The following BBS2 variants were observed in gnomAD, a reference collection of about 807,000 sequenced individuals.
The protein encoded by BBS2 is BBSome complex member BBS2.
A neutral mutation model predicts 83.0 loss-of-function variants in BBS2; 62 were observed. The ratio of observed to expected loss-of-function variants is 0.75; its 90% CI spans 0.61 to 0.92. The LOEUF (loss-of-function observed/expected upper bound fraction) is 0.92. BBS2 is among the 40% of genes least tolerant of loss of function. The pLI, the probability that BBS2 is intolerant of heterozygous loss-of-function variation, is 0.00. For synonymous variants in BBS2, 303 were observed against 326.1 expected (o/e 0.93, Z 0.76); for missense variants, 784 against 901.0 (o/e 0.87, Z 1.66).
intron 17 of BBS2, chr16:56,478,631 C>G (rs1187781481): frequency 6.6e-6 from 1 of 152,172 alleles, no homozygotes; most frequent in Admixed American, 6.5e-5. Context: ...GTTTGAGACT[C>G]ATGGCTGTAG....
intron 12 of BBS2, chr16:56,498,789 T>C (rs1410921220): frequency 8.0e-7 from 1 of 1,254,184 alleles, no homozygotes. Flanking sequence ...ACCTCACCTA[T>C]GCTCTTAAGT....
At position 56,498,585 on chromosome 16, in the gene BBS2, A is replaced by C. The variant is rs371950504; in HGVS notation, c.1528-17T>G. On this transcript the variant is annotated splice_polypyrimidine_tract_variant and intron_variant, in intron 12 of 16. Coordinates refer to ENST00000245157, the MANE Select transcript of BBS2 (RefSeq NM_031885.5). ...TACAACAACCTTGAAAATGAACACAATGAAATGACCTCCATTTTTAAGGTA... is the reference window on the plus strand; with the variant it reads ...TACAACAACCTTGAAAATGAACACACTGAAATGACCTCCATTTTTAAGGTA... 6.8e-6 allele frequency: 11 copies of C among 1,613,842 alleles called. No homozygotes were observed. The African/African-American group carries it at 1.5e-4, about 22-fold the overall frequency.
In BBS2 at chr16:56,479,186, A is replaced by T. The variant is rs1044530794; in HGVS notation, c.*5575T>A. The T allele has an allele frequency of 2.0e-5, 3 of 152,162 alleles. No homozygotes were observed. In the East Asian group the frequency reaches 5.8e-4, roughly 29 times the overall value. 9.4% of individuals were successfully genotyped at this position (152,162 alleles called of 1,614,324 possible). A position where few individuals can be genotyped will look rare whatever the true frequency, so the allele number is the denominator to read the frequency against. On this transcript the variant is annotated intron_variant, in intron 17 of 17. Coordinates refer to the BBS2 transcript ENST00000682047. Reference sequence around the variant, plus strand: ...TTTTATCCCCAAAGAAAATAGCTCTATGGGCCCGGCATAGTGGCTCACACC... The same window carrying T: ...TTTTATCCCCAAAGAAAATAGCTCTTTGGGCCCGGCATAGTGGCTCACACC...
chr16:56,519,480 C>T, intron 1 of BBS2: 1 of 481,500 alleles, frequency 2.1e-6, no homozygotes, highest in East Asian at 3.7e-5. Flanking sequence ...GGAGACGTCT[C>T]TTTTCTAAGC....
chr16:56,478,706 G>C (rs1274536016), intron 17 of BBS2: 2 of 152,156 alleles, frequency 1.3e-5, no homozygotes, highest in Non-Finnish European at 2.9e-5. Flanking sequence ...TACCTCACAA[G>C]TGTTAAAATG....
chr16:56,472,032 G>A (rs1204495741), intron 17 of BBS2, among the ~76,000 whole-genome samples: 1 of 152,172 alleles, frequency 6.6e-6, no homozygotes, highest in Non-Finnish European at 1.5e-5. Flanking sequence ...TGCAATCACA[G>A]CTCACTGCAG....
rs779292661 is a variant in BBS2, at chr16:56,500,926, C to T, written c.1325G>A (p.Cys442Tyr). Residue 442 changes from cysteine to tyrosine, a missense_variant, in exon 11 of 17, where the codon TGC becomes TAC. By Grantham distance (194) the Cys-to-Tyr change is radical. Transcript: ENST00000245157. ...PSIHNLSSSICIPIVPPKDVP... is the reference protein window; with the variant it reads ...PSIHNLSSSIYIPIVPPKDVP... ...ATCTTTGGGAGGCACAATAGGGATG[C>T]AGATGGAACTGGAGAGGTTGTGAAT... 6.2e-7 allele frequency: 1 copy of T among 1,614,184 alleles called. No homozygotes were observed. The highest frequency in any genetic ancestry group is 1.3e-5 in the African/African-American group (1 of 75,056).
Position 56,475,517 on chromosome 16 carries a change from A to G in BBS2, c.*1-4822T>C, listed in dbSNP as rs906675106. 4 of 1,613,968 alleles carry G rather than the reference A, an allele frequency of 2.5e-6. No individual in the cohort carries two copies. In the African/African-American group the frequency reaches 4.0e-5, roughly 16 times the overall value. ...TTTTTCTCTTGTAAGGCTGGGAGCCAGAATATGGCGGTTTTACTTCTTACA... is the reference window on the plus strand; with the variant it reads ...TTTTTCTCTTGTAAGGCTGGGAGCCGGAATATGGCGGTTTTACTTCTTACA... On this transcript the variant is annotated intron_variant, in intron 17 of 17. Coordinates refer to the BBS2 transcript ENST00000682047.
At chr16:56,475,048 C>G (rs1963394399) in intron 17 of BBS2, 1 of 1,307,952 alleles carries the variant, frequency 7.6e-7, no homozygotes, top group East Asian at 2.4e-5. Flanking sequence ...AAGTAATTTG[C>G]CTAGTTCAGA....
intron 14 of BBS2, 55 bp from the exon 15 acceptor site, chr16:56,497,134 A>T (rs1964137018): frequency 8.7e-7 from 1 of 1,149,420 alleles, no homozygotes. Context: ...TCTTGAACCC[A>T]GACAAATGAA....
intron 5 of BBS2, among the ~76,000 whole-genome samples, chr16:56,507,754 G>A (rs143295062): frequency 0.019 from 2,876 of 152,142 alleles, 89 homozygotes; most frequent in African/African-American, 0.065. Flanking sequence ...GATCACCTGA[G>A]GTCAGGAGTT....
At chr16:56,518,617 T>C (rs1374235539) in intron 1 of BBS2, among the ~76,000 whole-genome samples, 8 of 124,278 alleles carry the variant, frequency 6.4e-5, no homozygotes, top group East Asian at 4.1e-4. Context: ...GCTGCTGCCG[T>C]TGGCCTTGTG....
At chr16:56,505,673 G>A (rs1342136739) in intron 7 of BBS2, among the ~76,000 whole-genome samples, 1 of 152,094 alleles carries the variant, frequency 6.6e-6, no homozygotes, top group African/African-American at 2.4e-5. Context: ...AATCAATCTG[G>A]CTGATGGATT....
rs185178790 is a variant in BBS2 at position 56,501,444 on chromosome 16, T to C, written c.1134A>G (p.Pro378=). 680 of 1,614,146 alleles carry C rather than the reference T, an allele frequency of 4.2e-4. 12 individuals are homozygous for C. The South Asian group carries it at 7.0e-3, about 17-fold the overall frequency. Residue 378 remains proline (P), a synonymous_variant, in exon 10 of 17, where the codon CCA becomes CCG. Transcript: ENST00000245157. ...NEADGHRGII[P]ANTRLHTTLS... is the part of the protein sequence containing the mutation. The stretch of plus-strand genomic sequence containing the variant: ...GCGTGGTGTGGAGCCTGGTATTGGC[T>C]GGGATTATGCCCCGATGCCCATCAG...
chr16:56,485,738 C>T lies in BBS2; in HGVS notation c.1911G>A (p.Met637Ile), dbSNP rs1963759398. ...CCATATAACGACTCTTCATTGTTTT[C>T]CTGTGCAAATCAGTAGAAATTTGAC... Reference protein sequence around the residue: ...GAEDARLMRDMKTMKSRYMEL... With the variant: ...GAEDARLMRDIKTMKSRYMEL... Residue 637 changes from methionine to isoleucine, a missense_variant and splice_region_variant, in exon 16 of 17, where the codon ATG becomes ATA. Physicochemically the swap from Met to Ile is conservative, Grantham distance 10. Transcript: ENST00000245157. The T allele has an allele frequency of 3.1e-6, 5 of 1,613,658 alleles. No homozygotes were observed. Among genetic ancestry groups the T allele is most frequent in the Admixed American group, 1.7e-5 (1 of 59,994 alleles).
chr16:56,485,447 A>T, intron 16 of BBS2, 143 bp downstream of exon 16: 1 of 1,156,686 alleles, frequency 8.6e-7, no homozygotes, highest in South Asian at 1.2e-5. Context: ...TGACTGAAAC[A>T]TAAGTGACTG....
downstream of BBS2, among the ~76,000 whole-genome samples, chr16:56,480,362 AAAAC>A (rs1477016532): frequency 2.0e-4 from 29 of 147,580 alleles, no homozygotes; most frequent in African/African-American, 6.7e-4. Flanking sequence ...CAAAAAAAAA[AAAAC>A]AAAAAAAAAA....
downstream of BBS2, among the ~76,000 whole-genome samples, chr16:56,479,700 A>G (rs1963613520): frequency 1.3e-5 from 2 of 152,192 alleles, no homozygotes; most frequent in African/African-American, 4.8e-5. Context: ...CCAGATCTGC[A>G]GGGCCCAATG....
intron 15 of BBS2, among the ~76,000 whole-genome samples, chr16:56,489,046 A>T (rs959229614): frequency 6.6e-6 from 1 of 152,034 alleles, no homozygotes; most frequent in Non-Finnish European, 1.5e-5. Flanking sequence ...CTCCCAAAGC[A>T]CTGGGATTAT....
Sources: gnomAD v4.1 joint callset for allele counts (sites outside exome capture counted in the v4.1 genomes callset) on GRCh38, gnomAD v4.1.1 for gene constraint, MANE v1.5 for transcripts, NCBI Gene and HGNC (gene_info 2026-07-23, HGNC 2026-07-21) for gene names.